Variants in YBX3 observed in about 807,000 individuals in gnomAD.
The protein encoded by YBX3 is Y-box binding protein 3, also known as Y-box-binding protein 3.
Under a neutral mutation model 42.4 loss-of-function variants are expected in YBX3, and 29 were observed. The observed-to-expected ratio is 0.68, with a 90% CI of 0.51 to 0.93. The LOEUF is 0.93. Among genes scored for constraint, YBX3 ranks in the 40% least tolerant of loss-of-function variants. YBX3 has a pLI of 0.00. For missense variants in YBX3, 517 were observed against 527.5 expected, an observed-to-expected ratio of 0.98 and a Z score of 0.19; for synonymous variants, 195 against 189.8, an observed-to-expected ratio of 1.03 and a Z score of -0.22.
intron 6 of YBX3, 107 bp downstream of exon 6, chr12:10,709,801 A>G (rs1948177546): frequency 7.3e-7 from 1 of 1,364,812 alleles, no homozygotes; most frequent in Non-Finnish European, 1.0e-6. Flanking sequence ...TCAGGAAGCC[A>G]TAAGCAAGGT....
Position 10,709,430 on chromosome 12 carries a change from T to C in YBX3, c.780+478A>G, listed in dbSNP as rs78433493. ...ATTTAAAACCAATACTTTAAAAATGTTATTTATGCTGCAGGCATCTCTTTT... is the reference window on the plus strand; with the variant it reads ...ATTTAAAACCAATACTTTAAAAATGCTATTTATGCTGCAGGCATCTCTTTT... On this transcript the variant is annotated intron_variant, in intron 6 of 9. Coordinates refer to ENST00000228251, the MANE Select transcript of YBX3 (RefSeq NM_003651.5). Among the ~76,000 whole-genome samples the C allele has an allele frequency of 5.4e-3, 826 of 152,340 alleles. 12 individuals carry two copies. The highest frequency in any genetic ancestry group is 0.032 in the East Asian group (168 of 5,192).
At position 10,723,261 on chromosome 12, in the gene YBX3, CG is replaced by C. The variant is rs1282369349; in HGVS notation, c.-151del. ...CGGCGGCGGCCGAGGTGGGGTCGCG[CG>C]GCGGAGGCGGCTCGAGCTTCGTGCT... On this transcript the variant is annotated 5_prime_UTR_variant, in exon 1 of 10. Coordinates refer to ENST00000228251, the MANE Select transcript of YBX3 (RefSeq NM_003651.5). The C allele has an allele frequency of 2.6e-6, 3 of 1,139,736 alleles. No homozygotes were observed. In the African/African-American group the frequency reaches 4.9e-5, roughly 19 times the overall value. The allele number at this position is 1,139,736 out of a possible 1,614,324, so 70.6% of individuals were successfully genotyped here.
chr12:10,702,701 A>C (rs995697605), intron 7 of YBX3: 3 of 152,184 alleles, frequency 2.0e-5, no homozygotes, highest in Non-Finnish European at 4.4e-5. Flanking sequence ...TGTTCCTATC[A>C]GGCCCTTTGA....
chr12:10,716,682 G>A (rs1030969129), intron 3 of YBX3, among the ~76,000 whole-genome samples: 1 of 152,264 alleles, frequency 6.6e-6, no homozygotes, highest in East Asian at 1.9e-4. Flanking sequence ...AAGCGATTAA[G>A]CATGTGTAAT....
intron 6 of YBX3, among the ~76,000 whole-genome samples, chr12:10,705,640 TG>T (rs1318730671): frequency 6.6e-6 from 1 of 152,272 alleles, no homozygotes; most frequent in African/African-American, 2.4e-5. Flanking sequence ...AGTCCTCCAC[TG>T]TAAGTTGACT....
chr12:10,714,875 T>G (rs1948242536), intron 4 of YBX3, among the ~76,000 whole-genome samples: 1 of 151,964 alleles, frequency 6.6e-6, no homozygotes, highest in African/African-American at 2.4e-5. Flanking sequence ...TGCCTCAGCC[T>G]CCTGAGTAGC....
rs199517843 is a variant in YBX3 at position 10,713,230 on chromosome 12, C to A, written c.554G>T (p.Arg185Leu). Residue 185 changes from arginine (R) to leucine (L), a missense_variant, in exon 5 of 10, where the codon CGC becomes CTC. Around this residue, in one of 3 missense-constraint regions of YBX3, gnomAD observed 420 missense variants for 408.5 expected, o/e 1.03. Coordinates refer to ENST00000228251, the MANE Select transcript of YBX3 (RefSeq NM_003651.5). The part of the protein sequence containing the change: ...RRYRRGYYGR[R>L]RGPPRNYAGE... Reference sequence around the variant, plus strand: ...ACGTACATTCCGGGGAGGGCCACGGCGCCTTCCATAGTAGCCACGTCTGTA... The same window carrying A: ...ACGTACATTCCGGGGAGGGCCACGGAGCCTTCCATAGTAGCCACGTCTGTA... 1.2e-6 allele frequency: 2 copies of A among 1,612,104 alleles called. No homozygotes were observed. Among genetic ancestry groups the A allele is most frequent in the Admixed American group, 1.7e-5 (1 of 59,438 alleles).
intron 6 of YBX3, among the ~76,000 whole-genome samples, chr12:10,705,424 A>C (rs1219654998): frequency 6.6e-6 from 1 of 152,176 alleles, no homozygotes; most frequent in African/African-American, 2.4e-5. Context: ...AAAGATTACA[A>C]ACCAGTTATT....
intron 3 of YBX3, chr12:10,717,825 T>G: frequency 3.3e-6 from 1 of 304,572 alleles, no homozygotes; most frequent in Non-Finnish European, 6.0e-6. Flanking sequence ...ACTCAAAGGC[T>G]TTAAAAATTA....
At chr12:10,706,411 C>T (rs747900356) in intron 6 of YBX3, among the ~76,000 whole-genome samples, 26 of 152,198 alleles carry the variant, frequency 1.7e-4, no homozygotes, top group Non-Finnish European at 2.9e-4. Context: ...CTCCTCTTCC[C>T]GCCCTTTGCT....
At position 10,702,003 on chromosome 12, in the gene YBX3, C is replaced by A. The variant is rs763864962; in HGVS notation, c.1010G>T (p.Arg337Leu). 2 of 1,613,972 alleles carry A rather than the reference C, an allele frequency of 1.2e-6. No individual in the cohort carries two copies. The highest frequency in any genetic ancestry group is 1.7e-6 in the Non-Finnish European group (2 of 1,179,986). Residue 337 changes from arginine (R) to leucine (L), a missense_variant, in exon 8 of 10, where the codon CGT becomes CTT. Coordinates refer to ENST00000228251, the MANE Select transcript of YBX3 (RefSeq NM_003651.5). ...RGYRRPYNYR[R>L]RPRPPNAPSQ... The stretch of plus-strand genomic sequence containing the variant: ...AGGAGCGTTAGGAGGACGCGGGCGA[C>A]GCCGGTAATTGTAGGGACGCCGGTA...
intron 7 of YBX3, chr12:10,703,013 G>A (rs577240334): frequency 6.6e-6 from 1 of 152,284 alleles, no homozygotes; most frequent in East Asian, 1.9e-4. Context: ...CACATATCCA[G>A]GGACTGACAA....
In YBX3 at chr12:10,709,982, G is replaced by A. The variant is rs75023229; in HGVS notation, c.706C>T (p.Arg236Trp). The A allele has an allele frequency of 2.7e-4, 438 of 1,614,040 alleles. 2 individuals carry two copies. The East Asian group carries it at 6.5e-3, about 24-fold the overall frequency. The change falls in exon 6 of 10, where the codon CGG (arginine) becomes TGG (tryptophan). Residue 236 changes from arginine to tryptophan, a missense_variant. This residue lies in a region of YBX3 where 420 missense variants were observed against 408.5 expected (regional missense o/e 1.03). Coordinates refer to ENST00000228251, the MANE Select transcript of YBX3 (RefSeq NM_003651.5). The part of the protein sequence containing the change: ...PQYRPQYRQR[R>W]FPPYHVGQTF... ...TGTCCCACGTGGTAAGGCGGGAACC[G>A]CCGCTGCCGGTACTGAGGGCGATAC...
At position 10,699,183 on chromosome 12, in the gene YBX3, C is replaced by T. The variant is rs1011547603; in HGVS notation, c.*506G>A. The T allele has an allele frequency of 1.3e-5, 2 of 152,218 alleles. No homozygotes were observed. The highest frequency in any genetic ancestry group is 2.9e-5 in the Non-Finnish European group (2 of 67,952). 9.4% of individuals were successfully genotyped at this position (152,218 alleles called of 1,614,324 possible). On this transcript the variant is annotated 3_prime_UTR_variant, in exon 10 of 10. Transcript: ENST00000228251. Reference sequence around the variant, plus strand: ...GAAAGCAAAAATGTTATCCTCCCCTCATCCTAGAAATAAATAAGAAGGACA... The same window carrying T: ...GAAAGCAAAAATGTTATCCTCCCCTTATCCTAGAAATAAATAAGAAGGACA...
At chr12:10,707,369 T>C (rs1200708440) in intron 6 of YBX3, among the ~76,000 whole-genome samples, 1 of 152,224 alleles carries the variant, frequency 6.6e-6, no homozygotes, top group East Asian at 1.9e-4. Flanking sequence ...TTCCCGTATT[T>C]GTTTAAATCA....
chr12:10,706,730 C>CA (rs1199111674), intron 6 of YBX3, among the ~76,000 whole-genome samples: 1 of 152,032 alleles, frequency 6.6e-6, no homozygotes, highest in Non-Finnish European at 1.5e-5. Flanking sequence ...TTTATAACTC[C>CA]AAATCAGCCA....
intron 7 of YBX3, chr12:10,703,551 T>C (rs755916720): frequency 9.1e-6 from 4 of 439,650 alleles, no homozygotes; most frequent in Non-Finnish European, 1.8e-5. Flanking sequence ...GAATATCTCT[T>C]TGTTTTCAGA....
chr12:10,712,946 G>C, intron 5 of YBX3: 1 of 422,390 alleles, frequency 2.4e-6, no homozygotes, highest in East Asian at 4.2e-5. Flanking sequence ...TACTGCTCCA[G>C]TGATGGGTGC....
At chr12:10,708,061 C>A (rs974543940) in intron 6 of YBX3, among the ~76,000 whole-genome samples, 1 of 152,212 alleles carries the variant, frequency 6.6e-6, no homozygotes, top group African/African-American at 2.4e-5. Flanking sequence ...TTCCCTCAGG[C>A]TCTAGAGACA....
Sources: allele counts gnomAD v4.1 joint callset (sites outside exome capture counted in the v4.1 genomes callset), GRCh38; gene constraint gnomAD v4.1.1; regional missense constraint gnomAD v4.1.1; transcripts MANE v1.5; gene names NCBI Gene and HGNC (gene_info 2026-07-23, HGNC 2026-07-21).